Variants in ZNF69 observed in about 807,000 individuals in gnomAD.
ZNF69 encodes zinc finger protein 69, also known as ZNF3.
Under a neutral mutation model 50.9 loss-of-function variants are expected in ZNF69, and 47 were observed. The ratio of observed to expected loss-of-function variants is 0.92; its 90% CI spans 0.73 to 1.18. ZNF69 has a LOEUF of 1.18. ZNF69 is among the 50% of genes most tolerant of loss of function. The pLI is 0.00. For missense variants in ZNF69, 717 were observed against 675.1 expected (o/e 1.06, Z -0.69); for synonymous variants, 216 against 223.1 (o/e 0.97, Z 0.29).
rs528024985 is a variant in ZNF69, at chr19:11,902,582, G to A, written c.64-991G>A. Among the ~76,000 whole-genome samples, 5 of 151,042 alleles carry A rather than the reference G, an allele frequency of 3.3e-5. No individual in the cohort carries two copies. The East Asian group carries it at 7.8e-4, about 24-fold the overall frequency. ...TAACTGCAAAATGAATGATTCCTGGGCATCATAATGGAAGTTTCTTTCTAC... is the reference window on the plus strand; with the variant it reads ...TAACTGCAAAATGAATGATTCCTGGACATCATAATGGAAGTTTCTTTCTAC... On this transcript the variant is annotated intron_variant, in intron 1 of 3. Transcript: ENST00000429654.
the ZNF69 span, among the ~76,000 whole-genome samples, chr19:11,923,413 T>C: frequency 0.035 from 5,286 of 152,244 alleles, 331 homozygotes; most frequent in African/African-American, 0.12. Flanking sequence ...CCCCGTCCCA[T>C]GGAAGCCACC....
chr19:11,949,253 G>C, the ZNF69 span: 1 of 1,614,062 alleles, frequency 6.2e-7, no homozygotes. Context: ...TATCATGAAA[G>C]GATTCACACT....
the ZNF69 span, among the ~76,000 whole-genome samples, chr19:11,974,139 TTTCTTTCTTTCTTTCTTTCCTTCCTTCC>T: frequency 1.2e-3 from 145 of 122,350 alleles, no homozygotes; most frequent in Middle Eastern, 3.8e-3. Flanking sequence ...TCTTTCTTTC[TTTCTTTCTTTCTTTCTTTCCTTCCTTCC>T]TTCCTTCCTT....
At chr19:11,947,366 G>A in the ZNF69 span, 5 of 1,609,988 alleles carry the variant, frequency 3.1e-6, no homozygotes, top group South Asian at 4.4e-5. Flanking sequence ...TCTAGCTCAT[G>A]AATGCTGTTG....
chr19:11,970,882 G>A, the ZNF69 span, among the ~76,000 whole-genome samples: 1 of 152,126 alleles, frequency 6.6e-6, no homozygotes, highest in Non-Finnish European at 1.5e-5. Context: ...AGTGAGCCGA[G>A]ATCCCGCCTT....
the ZNF69 span, among the ~76,000 whole-genome samples, chr19:11,973,378 T>C: frequency 6.6e-6 from 1 of 152,182 alleles, no homozygotes; most frequent in Non-Finnish European, 1.5e-5. Context: ...TGACGACTCA[T>C]TTATTTTTTA....
the ZNF69 span, among the ~76,000 whole-genome samples, chr19:11,941,202 C>G: frequency 6.6e-6 from 1 of 152,374 alleles, no homozygotes; most frequent in South Asian, 2.1e-4. Context: ...TCTCCACGTC[C>G]CCACCAGACT....
chr19:11,913,058 G>A (rs563107742), intron 4 of ZNF69, among the ~76,000 whole-genome samples: 12 of 152,052 alleles, frequency 7.9e-5, no homozygotes, highest in South Asian at 2.1e-4. Context: ...TTAGCCAGGC[G>A]TGGTGGTGGG....
intron 1 of ZNF69, among the ~76,000 whole-genome samples, chr19:11,893,853 A>G (rs1247986410): frequency 6.6e-6 from 1 of 152,108 alleles, no homozygotes; most frequent in Non-Finnish European, 1.5e-5. Flanking sequence ...ATTTCCATTA[A>G]TTGGAGACAC....
chr19:11,935,037 C>T, the ZNF69 span, among the ~76,000 whole-genome samples: 1 of 145,650 alleles, frequency 6.9e-6, no homozygotes, highest in Non-Finnish European at 1.5e-5. Context: ...ATTAGCCAGG[C>T]ATGGTGGCGG....
the ZNF69 span, among the ~76,000 whole-genome samples, chr19:11,940,880 G>A: frequency 6.6e-6 from 1 of 151,946 alleles, no homozygotes; most frequent in East Asian, 1.9e-4. Context: ...GTTCTCCAAG[G>A]CCCCACCAGA....
the ZNF69 span, among the ~76,000 whole-genome samples, chr19:11,933,990 A>G: frequency 6.8e-6 from 1 of 147,620 alleles, no homozygotes; most frequent in African/African-American, 2.7e-5. Context: ...ATTTTCTTTC[A>G]TCACTGAGTA....
At chr19:11,925,345 G>A in the ZNF69 span, 2 of 1,590,246 alleles carry the variant, frequency 1.3e-6, no homozygotes, top group Non-Finnish European at 1.7e-6. Flanking sequence ...CGGCTGTGGC[G>A]GGACCCGGGC....
rs972592965 is a variant in ZNF69 at position 11,905,906 on chromosome 19, GA to G, written c.1512del (p.Lys504AsnfsTer105). On this transcript the variant is annotated frameshift_variant, in exon 4 of 4. Transcript: ENST00000429654. LOFTEE classifies it high-confidence loss of function. ...QRHEKTHTGE[K>X]LYECKQCGEA... ...GACATGAAAAAACTCACACTGGAGAGAAACTCTATGAATGCAAGCAATGTGG... is the reference window on the plus strand; with the variant it reads ...GACATGAAAAAACTCACACTGGAGAGAACTCTATGAATGCAAGCAATGTGG... 1 of 1,613,792 alleles carries G rather than the reference GA, an allele frequency of 6.2e-7. No homozygotes were observed. The highest frequency in any genetic ancestry group is 1.3e-5 in the African/African-American group (1 of 74,850).
At position 11,906,030 on chromosome 19, in the gene ZNF69, G is replaced by A; in HGVS notation, c.1633G>A (p.Ala545Thr). 6.2e-7 allele frequency: 1 copy of A among 1,613,480 alleles called. No homozygotes were observed. The highest frequency in any genetic ancestry group is 1.7e-4 in the Middle Eastern group (1 of 6,060). The change falls in exon 4 of 4, where the codon GCT (alanine) becomes ACT (threonine). Residue 545 changes from alanine to threonine, a missense_variant. Coordinates refer to ENST00000429654, the MANE Select transcript of ZNF69 (RefSeq NM_001364730.1). ...KCKQCGKAFR[A>T]ASVLRMHGRT... ...CAAGCAATGTGGGAAAGCCTTCAGA[G>A]CTGCCTCAGTCCTTCGAATGCATGG...
At chr19:11,921,166 T>G in the ZNF69 span, among the ~76,000 whole-genome samples, 1 of 152,164 alleles carries the variant, frequency 6.6e-6, no homozygotes, top group Admixed American at 6.5e-5. Flanking sequence ...TGTCTGGATT[T>G]CTTTTCTCCT....
the ZNF69 span, among the ~76,000 whole-genome samples, chr19:11,971,751 T>C: frequency 6.6e-6 from 1 of 152,170 alleles, no homozygotes; most frequent in Admixed American, 6.5e-5. Context: ...TTTTTTGGGC[T>C]TCAAGAAAAT....
At chr19:11,965,060 G>T in the ZNF69 span, 1 of 975,394 alleles carries the variant, frequency 1.0e-6, no homozygotes, top group Non-Finnish European at 1.6e-6. Flanking sequence ...CTTTGTCCTT[G>T]CGCAGCCGGT....
At chr19:11,897,433 G>A (rs571856214) in intron 1 of ZNF69, among the ~76,000 whole-genome samples, 29 of 152,170 alleles carry the variant, frequency 1.9e-4, no homozygotes, top group East Asian at 1.3e-3. Context: ...AAATTACCTC[G>A]TCACTGTGAT....
Sources: gnomAD v4.1 joint callset for allele counts (sites outside exome capture counted in the v4.1 genomes callset) on GRCh38, gnomAD v4.1.1 for gene constraint, MANE v1.5 for transcripts, NCBI Gene and HGNC (gene_info 2026-07-23, HGNC 2026-07-21) for gene names.